ZC2HC1B: variants seen among roughly 807,000 people sequenced by gnomAD.
ZC2HC1B encodes zinc finger C2HC-type containing 1B, also known as zinc finger C2HC domain-containing protein 1B.
ZC2HC1B carries 36 observed loss-of-function variants against 31.0 expected under a neutral mutation model. That is an observed-to-expected ratio of 1.16 (90% confidence interval 0.89 to 1.54). ZC2HC1B has a LOEUF of 1.54. ZC2HC1B is among the 40% of genes most tolerant of loss of function. The pLI is 0.00. For missense variants in ZC2HC1B, 260 were observed against 268.6 expected (o/e 0.97, Z 0.22); for synonymous variants, 73 against 88.0 (o/e 0.83, Z 0.95).
At chr6:143,912,360 T>C (rs1051324213) in intron 6 of ZC2HC1B, among the ~76,000 whole-genome samples, 1 of 152,228 alleles carries the variant, frequency 6.6e-6, no homozygotes, top group Non-Finnish European at 1.5e-5. Flanking sequence ...TTTTTGAGTT[T>C]TCAGTGTTTT....
chr6:143,902,177 G>T (rs980830319), intron 5 of ZC2HC1B, among the ~76,000 whole-genome samples: 1 of 152,106 alleles, frequency 6.6e-6, no homozygotes, highest in African/African-American at 2.4e-5. Flanking sequence ...TGTTTCCTTT[G>T]TGCCAGCTTC....
intron 1 of ZC2HC1B, among the ~76,000 whole-genome samples, chr6:143,880,398 A>G (rs1368519993): frequency 1.3e-5 from 2 of 152,218 alleles, no homozygotes; most frequent in Admixed American, 1.3e-4. Context: ...CATAATTTTC[A>G]TTAAAAGTTT....
rs1462804708 is a variant in ZC2HC1B, at chr6:143,903,635, TAAGTC to T, written c.598+487_598+491del. ...TGAAAAATCTTATGTCAAACTAACATAAGTCAAGAATTTCTGTACAGTCATCCCTC... is the reference window on the plus strand; with the variant it reads ...TGAAAAATCTTATGTCAAACTAACATAAGAATTTCTGTACAGTCATCCCTC... On this transcript the variant is annotated intron_variant, in intron 6 of 7. Transcript: ENST00000237275. The surrounding 1 kb of genome is among the most constrained non-coding windows in gnomAD (Gnocchi z 4.3). Among the ~76,000 whole-genome samples the T allele has an allele frequency of 6.6e-6, 1 of 152,166 alleles. No homozygotes were observed. Among genetic ancestry groups the T allele is most frequent in the Non-Finnish European group, 1.5e-5 (1 of 68,028 alleles).
At position 143,934,375 on chromosome 6, in the gene ZC2HC1B, T is replaced by A. The variant is rs148392619; in HGVS notation, c.599-3274T>A. Among the ~76,000 whole-genome samples the A allele has an allele frequency of 3.9e-5, 6 of 152,358 alleles. No individual in the cohort carries two copies. In the East Asian group the frequency reaches 1.2e-3, roughly 29 times the overall value. On this transcript the variant is annotated intron_variant, in intron 6 of 7. Coordinates refer to ENST00000237275, the MANE Select transcript of ZC2HC1B (RefSeq NM_001013623.3). The surrounding 1 kb of genome is among the most constrained non-coding windows in gnomAD (Gnocchi z 4.6). ...GGAGCTACTTATCAGCCCTGTCCCC[T>A]ATCTGCCATCTTCCCTCTCTTTCAA... is the stretch of plus-strand genomic sequence containing the variant.
chr6:143,876,027 A>G (rs1461713897), intron 1 of ZC2HC1B, among the ~76,000 whole-genome samples: 1 of 150,400 alleles, frequency 6.6e-6, no homozygotes, highest in Non-Finnish European at 1.5e-5. Flanking sequence ...TTTCTAATCA[A>G]TTCCCTCACT....
At chr6:143,873,984 GCAT>G (rs1189270202) in intron 1 of ZC2HC1B, among the ~76,000 whole-genome samples, 2 of 152,144 alleles carry the variant, frequency 1.3e-5, no homozygotes, top group Admixed American at 1.3e-4. Flanking sequence ...CTTTTCTACT[GCAT>G]CATCAAGTTG....
intron 4 of ZC2HC1B, among the ~76,000 whole-genome samples, chr6:143,894,817 A>T (rs1217537034): frequency 6.6e-6 from 1 of 152,176 alleles, no homozygotes; most frequent in Admixed American, 6.5e-5. Flanking sequence ...AATAAGTGAA[A>T]CCATGTCAGA....
intron 1 of ZC2HC1B, among the ~76,000 whole-genome samples, chr6:143,874,648 A>C (rs1777385202): frequency 6.6e-6 from 1 of 152,014 alleles, no homozygotes; most frequent in East Asian, 1.9e-4. Flanking sequence ...CCCCTGAAAA[A>C]CCCATCAGAT....
chr6:143,867,488 G>C (rs1367706871), intron 1 of ZC2HC1B, among the ~76,000 whole-genome samples: 2 of 152,126 alleles, frequency 1.3e-5, no homozygotes, highest in Admixed American at 1.3e-4. Context: ...CACAGTTTAG[G>C]CATCCAGGAT....
chr6:143,890,967 A>T (rs1230000353), intron 4 of ZC2HC1B, among the ~76,000 whole-genome samples: 1 of 151,106 alleles, frequency 6.6e-6, no homozygotes, highest in African/African-American at 2.4e-5. Flanking sequence ...GTCTCTACTA[A>T]AAAAAATACA....
At chr6:143,907,283 T>C (rs1777807022) in intron 6 of ZC2HC1B, among the ~76,000 whole-genome samples, 1 of 152,224 alleles carries the variant, frequency 6.6e-6, no homozygotes, top group South Asian at 2.1e-4. Context: ...TTATATTCCT[T>C]TGGGTATATA....
rs990866048 is a variant in ZC2HC1B, at chr6:143,872,016, T to C, written c.28+7449T>C. 6.7e-6 allele frequency among the ~76,000 whole-genome samples: 1 copy of C among 149,158 alleles called. No homozygotes were observed. Among genetic ancestry groups the C allele is most frequent in the Admixed American group, 6.6e-5 (1 of 15,128 alleles). ...CGTTTTGGGTCCCCTGGAATCAACA[T>C]CAGCTCAGAGCCAGTGTCCAGTAGT... On this transcript the variant is annotated intron_variant, in intron 1 of 7. Coordinates refer to ENST00000237275, the MANE Select transcript of ZC2HC1B (RefSeq NM_001013623.3). The surrounding 1 kb of genome is among the most constrained non-coding windows in gnomAD (Gnocchi z 5.5).
intron 6 of ZC2HC1B, among the ~76,000 whole-genome samples, chr6:143,904,363 G>C (rs1038575506): frequency 5.9e-5 from 9 of 151,622 alleles, no homozygotes; most frequent in African/African-American, 1.9e-4. Flanking sequence ...ATTCTTTTTT[G>C]TGTGTGTTTT....
chr6:143,929,904 A>G (rs1229552077), intron 6 of ZC2HC1B, among the ~76,000 whole-genome samples: 2 of 152,068 alleles, frequency 1.3e-5, no homozygotes, highest in Admixed American at 1.3e-4. Context: ...GTCTCTGATG[A>G]TCTTTTGCAT....
rs548962396 is a variant in ZC2HC1B at position 143,891,527 on chromosome 6, C to T, written c.349+4706C>T. On this transcript the variant is annotated intron_variant, in intron 4 of 7. Coordinates refer to ENST00000237275, the MANE Select transcript of ZC2HC1B (RefSeq NM_001013623.3). ...ACCAGCTTGGTCAACACAGTGAAAC[C>T]CCATCTCTACTAAAAACACAAAAAA... Among the ~76,000 whole-genome samples the T allele has an allele frequency of 1.7e-3, 257 of 151,674 alleles. 1 individual carries two copies. Among genetic ancestry groups the T allele is most frequent in the African/African-American group, 6.1e-3 (251 of 41,368 alleles).
chr6:143,926,468 C>A (rs1474510228), intron 6 of ZC2HC1B, among the ~76,000 whole-genome samples: 1 of 151,046 alleles, frequency 6.6e-6, no homozygotes, highest in Non-Finnish European at 1.5e-5. Context: ...CTATTGTGAT[C>A]TGAAAGGTAT....
intron 6 of ZC2HC1B, among the ~76,000 whole-genome samples, chr6:143,929,568 T>G (rs565288517): frequency 6.6e-6 from 1 of 152,194 alleles, no homozygotes; most frequent in Admixed American, 6.5e-5. Flanking sequence ...CTACTGATGT[T>G]GGTAGCAAAG....
rs530336546 is a variant in ZC2HC1B, at chr6:143,865,119, ATATTT to A, written c.28+555_28+559del. On this transcript the variant is annotated intron_variant, in intron 1 of 7. Coordinates refer to ENST00000237275, the MANE Select transcript of ZC2HC1B (RefSeq NM_001013623.3). The surrounding 1 kb of genome is among the most constrained non-coding windows in gnomAD (Gnocchi z 4.4). The stretch of plus-strand genomic sequence containing the variant: ...TAGGCAGGTTATACTCCAAACTTAA[ATATTT>A]TAATTTTATTCTGAAGAACAAATTC... Among the ~76,000 whole-genome samples the A allele has an allele frequency of 6.7e-4, 102 of 152,346 alleles. No individual in the cohort carries two copies. Among genetic ancestry groups the A allele is most frequent in the African/African-American group, 2.3e-3 (96 of 41,580 alleles).
intron 1 of ZC2HC1B, among the ~76,000 whole-genome samples, chr6:143,867,651 G>A (rs534195435): frequency 4.2e-4 from 64 of 152,328 alleles, no homozygotes; most frequent in Middle Eastern, 3.4e-3. Context: ...GGGAGAGCAG[G>A]CACTTTATTA....
Sources: gnomAD v4.1 joint callset for allele counts (sites outside exome capture counted in the v4.1 genomes callset) on GRCh38, gnomAD v4.1.1 for gene constraint, Gnocchi (gnomAD v3.1) non-coding constraint, MANE v1.5 for transcripts, NCBI Gene and HGNC (gene_info 2026-07-23, HGNC 2026-07-21) for gene names.